The following GRIK2 variants were observed in gnomAD, a reference collection of about 807,000 sequenced individuals.
The protein encoded by GRIK2 is glutamate ionotropic receptor kainate type subunit 2, also known as glutamate receptor ionotropic, kainate 2.
A neutral mutation model predicts 100.3 loss-of-function variants in GRIK2; 32 were observed. The observed-to-expected ratio is 0.32, with a 90% CI of 0.24 to 0.43. The LOEUF is 0.43. Ranked by LOEUF, GRIK2 falls within the 20% of genes least tolerant of loss-of-function variation. The pLI is 1.00. For synonymous variants in GRIK2, 417 were observed against 389.4 expected (o/e 1.07, Z -0.83); for missense variants, 843 against 1,114.9 (o/e 0.76, Z 3.47).
intron 15 of GRIK2, among the ~76,000 whole-genome samples, chr6:102,054,218 A>C (rs1044527486): frequency 2.0e-5 from 3 of 152,180 alleles, no homozygotes; most frequent in African/African-American, 7.2e-5. Context: ...GGTTACTTAC[A>C]TTCTATGGTT....
At chr6:101,478,891 T>C (rs1772390793) in intron 2 of GRIK2, among the ~76,000 whole-genome samples, 1 of 152,290 alleles carries the variant, frequency 6.6e-6, no homozygotes, top group Non-Finnish European at 1.5e-5. Flanking sequence ...ATTTAGCCTT[T>C]TGTATGTTAT....
Position 101,602,376 on chromosome 6 carries a change from C to A in GRIK2, c.116-19573C>A, listed in dbSNP as rs559127979. Among the ~76,000 whole-genome samples, 161 of 151,330 alleles carry A rather than the reference C, an allele frequency of 1.1e-3. 1 individual carries two copies. Among genetic ancestry groups the A allele is most frequent in the African/African-American group, 3.5e-3 (145 of 41,384 alleles). Reference sequence around the variant, plus strand: ...GTGTTTGGTCTTAGAGTATGTTCTGCACTTTCATTGTATATATACAGTAAA... The same window carrying A: ...GTGTTTGGTCTTAGAGTATGTTCTGAACTTTCATTGTATATATACAGTAAA... On this transcript the variant is annotated intron_variant, in intron 2 of 16. Transcript: ENST00000369134.
At chr6:102,055,637 C>T (rs1771426953) in intron 16 of GRIK2, 57 bp downstream of exon 16, 13 of 1,313,086 alleles carry the variant, frequency 9.9e-6, no homozygotes, top group Non-Finnish European at 1.4e-5. Context: ...TACAATAAAA[C>T]ACAAACCAAA....
At chr6:101,623,686 G>A (rs1780289510) in intron 3 of GRIK2, among the ~76,000 whole-genome samples, 1 of 152,068 alleles carries the variant, frequency 6.6e-6, no homozygotes, top group Non-Finnish European at 1.5e-5. Flanking sequence ...AAAGTCATGT[G>A]GTTTGACCAA....
intron 11 of GRIK2, among the ~76,000 whole-genome samples, chr6:101,879,508 C>T (rs561195637): frequency 6.6e-6 from 1 of 152,110 alleles, no homozygotes; most frequent in East Asian, 1.9e-4. Context: ...ACGGAAGACT[C>T]ATCCATTACC....
intron 15 of GRIK2, among the ~76,000 whole-genome samples, chr6:102,054,109 A>G (rs1771346392): frequency 6.6e-6 from 1 of 152,158 alleles, no homozygotes; most frequent in African/African-American, 2.4e-5. Context: ...AAATGTAGAG[A>G]AGCCATAAAC....
intron 14 of GRIK2, among the ~76,000 whole-genome samples, chr6:101,965,905 C>T (rs1485693732): frequency 6.6e-6 from 1 of 151,704 alleles, no homozygotes; most frequent in Non-Finnish European, 1.5e-5. Context: ...GATATGTTTC[C>T]CTAAAGGTAG....
chr6:101,904,576 A>G (rs1324171071), intron 12 of GRIK2, among the ~76,000 whole-genome samples: 2 of 151,492 alleles, frequency 1.3e-5, no homozygotes, highest in African/African-American at 4.8e-5. Context: ...AATCAAAAAG[A>G]TAATCATTGG....
At position 101,446,087 on chromosome 6, in the gene GRIK2, C is replaced by T. The variant is rs1770358679; in HGVS notation, c.115+46695C>T. Reference sequence around the variant, plus strand: ...CTTTCTTCTGTGTTACCTCTATCCACTCAGCACCTGGCCTGTTCCTGTTGG... The same window carrying T: ...CTTTCTTCTGTGTTACCTCTATCCATTCAGCACCTGGCCTGTTCCTGTTGG... On this transcript the variant is annotated intron_variant, in intron 2 of 16. Transcript: ENST00000369134. Among the ~76,000 whole-genome samples the T allele has an allele frequency of 1.3e-5, 2 of 151,962 alleles. 1 individual carries two copies. Among genetic ancestry groups the T allele is most frequent in the South Asian group, 4.1e-4 (2 of 4,830 alleles).
intron 7 of GRIK2, among the ~76,000 whole-genome samples, chr6:101,787,477 G>T (rs560827685): frequency 6.6e-6 from 1 of 151,708 alleles, no homozygotes; most frequent in Non-Finnish European, 1.5e-5. Context: ...TCCTGTATCC[G>T]GTGTGTTTTG....
At chr6:101,867,666 T>C (rs1352103283) in intron 11 of GRIK2, among the ~76,000 whole-genome samples, 1 of 151,706 alleles carries the variant, frequency 6.6e-6, no homozygotes, top group Non-Finnish European at 1.5e-5. Flanking sequence ...TTAAAAAAGG[T>C]ATGTTAAGTG....
intron 4 of GRIK2, among the ~76,000 whole-genome samples, chr6:101,662,094 G>C (rs555718719): frequency 9.2e-5 from 14 of 152,276 alleles, no homozygotes; most frequent in African/African-American, 3.4e-4. Flanking sequence ...GTAAATCTAT[G>C]CCCCTGGCTG....
intron 16 of GRIK2, among the ~76,000 whole-genome samples, chr6:102,067,141 T>C: frequency 6.6e-6 from 1 of 151,852 alleles, no homozygotes; most frequent in Middle Eastern, 3.4e-3. Flanking sequence ...AGTTAACATA[T>C]AAAATTGTAT....
intron 11 of GRIK2, among the ~76,000 whole-genome samples, chr6:101,884,723 A>G (rs954042181): frequency 6.6e-6 from 1 of 152,182 alleles, no homozygotes; most frequent in Admixed American, 6.6e-5. Context: ...GAGTAAGACT[A>G]GAAAAAAGTT....
chr6:101,592,593 A>ATATATATATATATATATATG (rs1778712786), intron 2 of GRIK2, among the ~76,000 whole-genome samples: 1 of 38,254 alleles, frequency 2.6e-5, no homozygotes, highest in African/African-American at 1.2e-4. Context: ...TATCACATAT[A>ATATATATATATATATATATG]TATATATATA....
At chr6:101,489,403 CAGAG>C (rs1359217655) in intron 2 of GRIK2, among the ~76,000 whole-genome samples, 1 of 146,114 alleles carries the variant, frequency 6.8e-6, no homozygotes, top group Non-Finnish European at 1.5e-5. Context: ...ATTTAAAACA[CAGAG>C]AGCACCCATA....
At chr6:101,641,314 C>T (rs1449985588) in intron 4 of GRIK2, among the ~76,000 whole-genome samples, 1 of 151,866 alleles carries the variant, frequency 6.6e-6, no homozygotes, top group Non-Finnish European at 1.5e-5. Context: ...TTCCCCATTC[C>T]ACTCTCACAA....
chr6:101,789,382 A>T (rs902435990), intron 7 of GRIK2, among the ~76,000 whole-genome samples: 5 of 152,118 alleles, frequency 3.3e-5, no homozygotes, highest in African/African-American at 7.2e-5. Flanking sequence ...TAATTTTTGT[A>T]TAAGGTGTAA....
At chr6:101,722,094 A>T (rs1192112174) in intron 7 of GRIK2, among the ~76,000 whole-genome samples, 1 of 152,038 alleles carries the variant, frequency 6.6e-6, no homozygotes, top group East Asian at 1.9e-4. Context: ...AGAACTACAT[A>T]TGGTGGTTTT....
Sources: gnomAD v4.1 joint callset for allele counts (sites outside exome capture counted in the v4.1 genomes callset) on GRCh38, gnomAD v4.1.1 for gene constraint, MANE v1.5 for transcripts, NCBI Gene and HGNC (gene_info 2026-07-23, HGNC 2026-07-21) for gene names.